The following CDH13 variants were observed in gnomAD, a reference collection of about 807,000 sequenced individuals.
CDH13 encodes the protein cadherin 13.
Under a neutral mutation model 63.8 loss-of-function variants are expected in CDH13, and 24 were observed. The observed-to-expected ratio is 0.38, with a 90% CI of 0.27 to 0.53. The LOEUF is 0.53. Among genes scored for constraint, CDH13 ranks in the 20% least tolerant of loss-of-function variants. The pLI, the probability that CDH13 is intolerant of heterozygous loss-of-function variation, is 0.85. For synonymous variants in CDH13, 503 were observed against 355.3 expected (o/e 1.42, Z -4.67); for missense variants, 1,049 against 903.1 (o/e 1.16, Z -2.07).
At chr16:83,291,507 G>C (rs1431064995) in intron 5 of CDH13, among the ~76,000 whole-genome samples, 1 of 152,156 alleles carries the variant, frequency 6.6e-6, no homozygotes, top group Non-Finnish European at 1.5e-5. Flanking sequence ...TTAGTAGCAA[G>C]ATATTAGAAG....
chr16:83,126,155 G>A (rs758568355), intron 4 of CDH13, among the ~76,000 whole-genome samples: 26 of 152,294 alleles, frequency 1.7e-4, no homozygotes, highest in African/African-American at 6.0e-4. Flanking sequence ...GCTCAGTGCC[G>A]CAAAGGAGAA....
At chr16:83,662,174 C>A (rs1354042624) in intron 8 of CDH13, among the ~76,000 whole-genome samples, 1 of 152,080 alleles carries the variant, frequency 6.6e-6, no homozygotes, top group Non-Finnish European at 1.5e-5. Context: ...GATGCTATTC[C>A]TTATTATTTT....
At chr16:83,250,986 C>T (rs183441607) in intron 5 of CDH13, among the ~76,000 whole-genome samples, 1 of 152,070 alleles carries the variant, frequency 6.6e-6, no homozygotes, top group East Asian at 1.9e-4. Flanking sequence ...TTTATATGCT[C>T]GGTGGTTCGG....
intron 6 of CDH13, among the ~76,000 whole-genome samples, chr16:83,443,942 A>AG (rs1206740128): frequency 6.7e-6 from 1 of 149,940 alleles, no homozygotes; most frequent in East Asian, 1.9e-4. Flanking sequence ...TAAAAAAAAA[A>AG]AAAAATCAAT....
chr16:83,123,068 C>T (rs1469556590), intron 3 of CDH13, among the ~76,000 whole-genome samples: 1 of 151,964 alleles, frequency 6.6e-6, no homozygotes, highest in African/African-American at 2.4e-5. Context: ...TCATGTCTTC[C>T]GGCTTCATCC....
At chr16:83,724,907 A>G (rs549320732) in intron 10 of CDH13, among the ~76,000 whole-genome samples, 3 of 152,182 alleles carry the variant, frequency 2.0e-5, no homozygotes, top group Non-Finnish European at 4.4e-5. Flanking sequence ...CTGCAGGATC[A>G]TCCTACCCCT....
intron 2 of CDH13, among the ~76,000 whole-genome samples, chr16:82,982,363 A>C (rs1714389659): frequency 6.6e-6 from 1 of 152,190 alleles, no homozygotes; most frequent in South Asian, 2.1e-4. Context: ...TTGTATTAAA[A>C]AATTACCCCA....
intron 6 of CDH13, among the ~76,000 whole-genome samples, chr16:83,422,450 G>C (rs1450358062): frequency 6.6e-6 from 1 of 152,276 alleles, no homozygotes; most frequent in African/African-American, 2.4e-5. Flanking sequence ...AGAGGTCTTT[G>C]AGATAATGAA....
chr16:82,671,018 T>G (rs911008678), intron 1 of CDH13, among the ~76,000 whole-genome samples: 16 of 152,240 alleles, frequency 1.1e-4, no homozygotes, highest in Middle Eastern at 3.2e-3. Flanking sequence ...TCATACACTA[T>G]GTCAAGCACT....
intron 6 of CDH13, among the ~76,000 whole-genome samples, chr16:83,418,976 A>T (rs1340107813): frequency 2.0e-5 from 3 of 152,148 alleles, no homozygotes; most frequent in African/African-American, 7.2e-5. Flanking sequence ...TTCATGAAAC[A>T]TATGCAGGTG....
At chr16:83,529,575 T>C (rs1326007304) in intron 7 of CDH13, among the ~76,000 whole-genome samples, 1 of 152,170 alleles carries the variant, frequency 6.6e-6, no homozygotes, top group Non-Finnish European at 1.5e-5. Context: ...GCCATTTTTT[T>C]GTGAAAAAAA....
chr16:83,087,321 C>T (rs566951939), intron 3 of CDH13, among the ~76,000 whole-genome samples: 1 of 152,168 alleles, frequency 6.6e-6, no homozygotes, highest in East Asian at 1.9e-4. Flanking sequence ...ATATAAAAAG[C>T]TAGCAAGGTC....
chr16:82,975,033 C>G (rs1192522205), intron 2 of CDH13, among the ~76,000 whole-genome samples: 19 of 152,228 alleles, frequency 1.2e-4, no homozygotes, highest in Admixed American at 1.2e-3. Context: ...ATGAAGTCCT[C>G]ACGTCTGCAC....
intron 1 of CDH13, among the ~76,000 whole-genome samples, chr16:82,837,109 A>G (rs2038800252): frequency 6.6e-6 from 1 of 152,102 alleles, no homozygotes; most frequent in Non-Finnish European, 1.5e-5. Context: ...GCGTCCCTGT[A>G]TTTTCCTCAG....
At chr16:82,897,016 C>T (rs938699772) in intron 2 of CDH13, among the ~76,000 whole-genome samples, 2 of 96,888 alleles carry the variant, frequency 2.1e-5, no homozygotes, top group African/African-American at 3.9e-5. Context: ...ATCCTGACCT[C>T]GTGATTTCCT....
chr16:82,832,823 C>T (rs1380616037), intron 1 of CDH13, among the ~76,000 whole-genome samples: 1 of 152,112 alleles, frequency 6.6e-6, no homozygotes, highest in African/African-American at 2.4e-5. Flanking sequence ...GGGTGACAAT[C>T]GTTGAAATAG....
At chr16:83,080,810 T>A (rs1390354845) in intron 3 of CDH13, among the ~76,000 whole-genome samples, 3 of 150,788 alleles carry the variant, frequency 2.0e-5, no homozygotes, top group Non-Finnish European at 2.9e-5. Flanking sequence ...AATTAGTGGG[T>A]TATTTTTTAG....
At chr16:83,218,346 C>T (rs1472786837) in intron 5 of CDH13, among the ~76,000 whole-genome samples, 2 of 152,136 alleles carry the variant, frequency 1.3e-5, no homozygotes, top group Non-Finnish European at 2.9e-5. Context: ...TGGGAGGATG[C>T]GGGTGCTTTC....
chr16:82,849,051 G>A (rs567997243), intron 1 of CDH13, among the ~76,000 whole-genome samples: 7 of 152,254 alleles, frequency 4.6e-5, no homozygotes, highest in African/African-American at 1.7e-4. Flanking sequence ...CAAACCAGCC[G>A]CAACGTTCCC....
Sources: gnomAD v4.1 joint callset for allele counts (sites outside exome capture counted in the v4.1 genomes callset) on GRCh38, gnomAD v4.1.1 for gene constraint, MANE v1.5 for transcripts, NCBI Gene and HGNC (gene_info 2026-07-23, HGNC 2026-07-21) for gene names.